HECW2: variants seen among roughly 807,000 people sequenced by gnomAD.
HECW2 encodes HECT, C2 and WW domain containing E3 ubiquitin protein ligase 2.
HECW2 carries 61 observed loss-of-function variants against 175.2 expected under a neutral mutation model. That is an observed-to-expected ratio of 0.35 (90% CI 0.28 to 0.43). The LOEUF (loss-of-function observed/expected upper bound fraction) is 0.43, where lower values mean the gene tolerates loss of function less well. Among genes scored for constraint, HECW2 ranks in the 20% least tolerant of loss-of-function variants. The pLI is 1.00. For missense variants in HECW2, 1,524 were observed against 2,000.5 expected, an observed-to-expected ratio of 0.76 and a Z score of 4.54; for synonymous variants, 671 against 731.0, an observed-to-expected ratio of 0.92 and a Z score of 1.32.
intron 5 of HECW2, among the ~76,000 whole-genome samples, chr2:196,328,425 C>A (rs4850697): frequency 0.98 from 149,077 of 152,322 alleles, 73,017 homozygotes; most frequent in Middle Eastern, 1. Context: ...CCAGGGAAGC[C>A]AAGCAAAAAA....
At chr2:196,593,139 G>A (rs956615390) in intron 1 of HECW2, among the ~76,000 whole-genome samples, 1 of 151,156 alleles carries the variant, frequency 6.6e-6, no homozygotes, top group African/African-American at 2.4e-5. Context: ...AGCTCCCAGC[G>A]ACACCCAGAG....
chr2:196,454,207 G>A (rs1196051340), intron 1 of HECW2, among the ~76,000 whole-genome samples: 4 of 152,198 alleles, frequency 2.6e-5, no homozygotes, highest in Admixed American at 1.3e-4. Flanking sequence ...CGATCCGCCC[G>A]CCTCGCCAGA....
At chr2:196,257,586 T>C in intron 18 of HECW2, 1 of 539,312 alleles carries the variant, frequency 1.9e-6, no homozygotes, top group Non-Finnish European at 3.3e-6. Context: ...CCTTTTCCAA[T>C]ACCATCTCCC....
At chr2:196,480,230 A>T (rs1686794387) in intron 1 of HECW2, among the ~76,000 whole-genome samples, 1 of 152,142 alleles carries the variant, frequency 6.6e-6, no homozygotes, top group Non-Finnish European at 1.5e-5. Flanking sequence ...TAGCTTTGCC[A>T]ACTTCTTTAA....
intron 2 of HECW2, among the ~76,000 whole-genome samples, chr2:196,429,397 A>C (rs918268107): frequency 1.3e-5 from 2 of 152,218 alleles, no homozygotes; most frequent in Non-Finnish European, 2.9e-5. Context: ...GAAATCTATT[A>C]GAAAATACAG....
chr2:196,438,188 G>A (rs1348891511), intron 1 of HECW2, among the ~76,000 whole-genome samples: 1 of 152,288 alleles, frequency 6.6e-6, no homozygotes, highest in African/African-American at 2.4e-5. Context: ...ATAGTACAGA[G>A]CATGGCTACT....
At chr2:196,581,524 A>T (rs998845895) in intron 1 of HECW2, among the ~76,000 whole-genome samples, 2 of 152,118 alleles carry the variant, frequency 1.3e-5, no homozygotes, top group African/African-American at 4.8e-5. Context: ...ATACAGTGAG[A>T]CTCTATCTCA....
intron 2 of HECW2, among the ~76,000 whole-genome samples, chr2:196,351,791 C>A (rs575711950): frequency 6.6e-6 from 1 of 152,118 alleles, no homozygotes; most frequent in African/African-American, 2.4e-5. Flanking sequence ...TGGGTACACT[C>A]GGGAATTAGA....
At chr2:196,563,294 G>A (rs531106761) in intron 1 of HECW2, among the ~76,000 whole-genome samples, 44 of 152,160 alleles carry the variant, frequency 2.9e-4, no homozygotes, top group Middle Eastern at 6.8e-3. Flanking sequence ...GGCTGGGCAC[G>A]GTGGCTCACG....
intron 1 of HECW2, among the ~76,000 whole-genome samples, chr2:196,585,143 C>A (rs561983614): frequency 6.6e-6 from 1 of 152,258 alleles, no homozygotes; most frequent in South Asian, 2.1e-4. Flanking sequence ...TACATACCAA[C>A]GCCCAGATTT....
intron 1 of HECW2, among the ~76,000 whole-genome samples, chr2:196,544,918 A>G (rs1340085880): frequency 6.6e-6 from 1 of 152,214 alleles, no homozygotes; most frequent in African/African-American, 2.4e-5. Context: ...TTTGCTTCTT[A>G]GCCAGGGAAG....
intron 2 of HECW2, among the ~76,000 whole-genome samples, chr2:196,431,908 C>T (rs1695724654): frequency 1.3e-5 from 2 of 152,160 alleles, no homozygotes. Flanking sequence ...GTTTTTATTT[C>T]AGTCAATATA....
At chr2:196,502,871 G>GTA (rs1687623434) in intron 1 of HECW2, among the ~76,000 whole-genome samples, 1 of 152,224 alleles carries the variant, frequency 6.6e-6, no homozygotes, top group Non-Finnish European at 1.5e-5. Flanking sequence ...CTTGCAAAGA[G>GTA]TACACATGGA....
intron 14 of HECW2, among the ~76,000 whole-genome samples, chr2:196,280,045 T>G (rs1690128328): frequency 6.6e-6 from 1 of 152,144 alleles, no homozygotes; most frequent in Non-Finnish European, 1.5e-5. Flanking sequence ...AGGGGCCCAA[T>G]GTTGTAAGTT....
intron 1 of HECW2, among the ~76,000 whole-genome samples, chr2:196,536,991 A>C (rs1389868358): frequency 6.6e-6 from 1 of 152,222 alleles, no homozygotes; most frequent in Non-Finnish European, 1.5e-5. Flanking sequence ...AGGAAAGATG[A>C]AATTAGTAAA....
At chr2:196,278,386 C>A (rs77325892) in intron 15 of HECW2, 142 bp downstream of exon 15, 1 of 874,966 alleles carries the variant, frequency 1.1e-6, no homozygotes, top group Non-Finnish European at 1.7e-6. Flanking sequence ...TGTCAACATT[C>A]GAAAGCTTTT....
At chr2:196,460,776 ATTTTTTTTTTTTT>A (rs201916150) in intron 1 of HECW2, among the ~76,000 whole-genome samples, 1 of 116,088 alleles carries the variant, frequency 8.6e-6, no homozygotes, top group Non-Finnish European at 1.8e-5. Flanking sequence ...ACACCTGGCA[ATTTTTTTTTTTTT>A]TTTTTTTTTT....
intron 10 of HECW2, among the ~76,000 whole-genome samples, chr2:196,308,596 T>G (rs1485550338): frequency 2.0e-5 from 3 of 152,356 alleles, no homozygotes; most frequent in African/African-American, 7.2e-5. Context: ...CGCCTAGTGA[T>G]GAAACAGTAT....
chr2:196,524,674 G>T (rs1688565829), intron 1 of HECW2, among the ~76,000 whole-genome samples: 1 of 116,850 alleles, frequency 8.6e-6, no homozygotes, highest in South Asian at 2.7e-4. Context: ...CTGGTATGTT[G>T]TGTCTTTGTT....
Sources: gnomAD v4.1 joint callset for allele counts (sites outside exome capture counted in the v4.1 genomes callset) on GRCh38, gnomAD v4.1.1 for gene constraint, MANE v1.5 for transcripts, NCBI Gene and HGNC (gene_info 2026-07-23, HGNC 2026-07-21) for gene names.